The following ZNF385B variants were observed in gnomAD, a reference collection of about 807,000 sequenced individuals.
The protein encoded by ZNF385B is zinc finger protein 533.
ZNF385B carries 23 observed loss-of-function variants against 39.2 expected under a neutral mutation model. The ratio of observed to expected loss-of-function variants is 0.59; its 90% CI spans 0.42 to 0.83. The LOEUF (loss-of-function observed/expected upper bound fraction) is 0.83, where lower values mean the gene tolerates loss of function less well. Among genes scored for constraint, ZNF385B ranks in the 40% least tolerant of loss-of-function variants. ZNF385B has a pLI of 0.00. For synonymous variants in ZNF385B, 205 were observed against 222.6 expected (o/e 0.92, Z 0.70); for missense variants, 552 against 598.9 (o/e 0.92, Z 0.82).
intron 3 of ZNF385B, among the ~76,000 whole-genome samples, chr2:179,608,972 G>T (rs1480309555): frequency 6.6e-6 from 1 of 151,440 alleles, no homozygotes; most frequent in African/African-American, 2.4e-5. Context: ...ATATATTTAT[G>T]GGGTACATGA....
At chr2:179,515,846 C>G (rs1487909492) in intron 5 of ZNF385B, among the ~76,000 whole-genome samples, 2 of 152,168 alleles carry the variant, frequency 1.3e-5, no homozygotes, top group East Asian at 3.9e-4. Flanking sequence ...CAAAGACTGT[C>G]ATGTAAACAT....
intron 3 of ZNF385B, among the ~76,000 whole-genome samples, chr2:179,600,341 T>G (rs182026881): frequency 6.6e-6 from 1 of 152,220 alleles, no homozygotes; most frequent in Admixed American, 6.5e-5. Flanking sequence ...AAAATATCAT[T>G]TTGATATGCA....
At chr2:179,461,837 T>A (rs2105473697) in intron 6 of ZNF385B, among the ~76,000 whole-genome samples, 2 of 152,318 alleles carry the variant, frequency 1.3e-5, no homozygotes, top group South Asian at 4.1e-4. Context: ...TGAATTCTAT[T>A]CCACACTCCC....
intron 1 of ZNF385B, among the ~76,000 whole-genome samples, chr2:179,827,997 G>T (rs1422239513): frequency 6.6e-6 from 1 of 152,070 alleles, no homozygotes; most frequent in Non-Finnish European, 1.5e-5. Flanking sequence ...TGTCTGTGTT[G>T]CTGGGTATAA....
chr2:179,771,297 C>T (rs531563866), intron 1 of ZNF385B, among the ~76,000 whole-genome samples: 2 of 152,234 alleles, frequency 1.3e-5, no homozygotes, highest in South Asian at 4.1e-4. Flanking sequence ...GTTTAAAATT[C>T]GGAAAAGGTA....
intron 1 of ZNF385B, among the ~76,000 whole-genome samples, chr2:179,814,996 T>C (rs1706973294): frequency 6.6e-6 from 1 of 152,244 alleles, no homozygotes; most frequent in Non-Finnish European, 1.5e-5. Flanking sequence ...ATGATTTTCT[T>C]CATTCTTCAT....
chr2:179,491,724 G>T (rs2055249290), intron 5 of ZNF385B, among the ~76,000 whole-genome samples: 2 of 151,766 alleles, frequency 1.3e-5, no homozygotes, highest in African/African-American at 4.8e-5. Context: ...TTAGAGACAG[G>T]GTCTCACTCT....
rs563403447 is a variant in ZNF385B, at chr2:179,500,427, C to T, written c.553-16993G>A. 6.6e-5 allele frequency among the ~76,000 whole-genome samples: 10 copies of T among 152,158 alleles called. No homozygotes were observed. In the East Asian group the frequency reaches 1.9e-3, roughly 29 times the overall value. ...TAGACTAATGTGACAGACTAGAGAA[C>T]CCAGAAACAAACTCAGATATCTACA... is the stretch of plus-strand genomic sequence containing the variant. On this transcript the variant is annotated intron_variant, in intron 5 of 9. Transcript: ENST00000410066.
At chr2:179,587,650 C>T (rs933189044) in intron 3 of ZNF385B, among the ~76,000 whole-genome samples, 1 of 151,856 alleles carries the variant, frequency 6.6e-6, no homozygotes, top group African/African-American at 2.4e-5. Context: ...TGTTTAGGTA[C>T]CATAAACAAA....
chr2:179,700,663 A>G (rs1196675575), intron 3 of ZNF385B, among the ~76,000 whole-genome samples: 1 of 152,226 alleles, frequency 6.6e-6, no homozygotes, highest in Non-Finnish European at 1.5e-5. Flanking sequence ...ATGATAAAGC[A>G]GAGACAATGT....
intron 3 of ZNF385B, among the ~76,000 whole-genome samples, chr2:179,560,679 G>C (rs1307846647): frequency 6.6e-6 from 1 of 151,858 alleles, no homozygotes; most frequent in Non-Finnish European, 1.5e-5. Flanking sequence ...CTCTGTCTCT[G>C]TCTCTCTCTG....
At chr2:179,790,117 A>G (rs1200808045) in intron 1 of ZNF385B, among the ~76,000 whole-genome samples, 1 of 152,224 alleles carries the variant, frequency 6.6e-6, no homozygotes, top group African/African-American at 2.4e-5. Flanking sequence ...TATAAGCAGA[A>G]CAAGTGAGAA....
intron 3 of ZNF385B, among the ~76,000 whole-genome samples, chr2:179,751,943 TTTA>T (rs1178407614): frequency 3.3e-5 from 5 of 152,218 alleles, no homozygotes; most frequent in African/African-American, 9.6e-5. Context: ...TTAGTTTCTT[TTTA>T]TTATTATACT....
At chr2:179,720,080 T>A (rs1292828612) in intron 3 of ZNF385B, among the ~76,000 whole-genome samples, 1 of 152,134 alleles carries the variant, frequency 6.6e-6, no homozygotes, top group East Asian at 1.9e-4. Flanking sequence ...AAACTTATCT[T>A]AAATAAGTAT....
At chr2:179,825,309 T>C (rs560024283) in intron 1 of ZNF385B, among the ~76,000 whole-genome samples, 4 of 152,312 alleles carry the variant, frequency 2.6e-5, no homozygotes, top group East Asian at 3.9e-4. Flanking sequence ...CCAATGGCTA[T>C]CTATTCACCA....
At chr2:179,665,597 C>T (rs755101521) in intron 3 of ZNF385B, among the ~76,000 whole-genome samples, 15 of 152,288 alleles carry the variant, frequency 9.8e-5, no homozygotes, top group South Asian at 2.1e-4. Flanking sequence ...GACAACATCA[C>T]GCTGTATAAT....
intron 4 of ZNF385B, among the ~76,000 whole-genome samples, chr2:179,539,803 C>T (rs2059802849): frequency 6.6e-6 from 1 of 152,134 alleles, no homozygotes; most frequent in Non-Finnish European, 1.5e-5. Context: ...GTTTCTTGAA[C>T]ACTATAAACT....
At chr2:179,536,879 C>T (rs2059597586) in intron 4 of ZNF385B, among the ~76,000 whole-genome samples, 1 of 152,108 alleles carries the variant, frequency 6.6e-6, no homozygotes, top group South Asian at 2.1e-4. Flanking sequence ...TAAATAACAT[C>T]TGCATACTCT....
chr2:179,549,759 G>A (rs1370712782), intron 3 of ZNF385B, among the ~76,000 whole-genome samples: 6 of 149,574 alleles, frequency 4.0e-5, no homozygotes, highest in Non-Finnish European at 8.9e-5. Context: ...AGAGAAAAAA[G>A]AGAGAAGGGT....
Sources: gnomAD v4.1 joint callset for allele counts (sites outside exome capture counted in the v4.1 genomes callset) on GRCh38, gnomAD v4.1.1 for gene constraint, MANE v1.5 for transcripts, NCBI Gene and HGNC (gene_info 2026-07-23, HGNC 2026-07-21) for gene names.